Variants in PPP4R3B observed in about 807,000 individuals in gnomAD.
PPP4R3B encodes serine/threonine-protein phosphatase 4 regulatory subunit 3B.
A neutral mutation model predicts 95.4 loss-of-function variants in PPP4R3B; 52 were observed. The observed-to-expected ratio is 0.54, with a 90% confidence interval of 0.44 to 0.69. The LOEUF (loss-of-function observed/expected upper bound fraction) is 0.69, where lower values mean the gene tolerates loss of function less well. Among genes scored for constraint, PPP4R3B ranks in the 30% least tolerant of loss-of-function variants. PPP4R3B has a pLI of 0.00. For synonymous variants in PPP4R3B, 407 were observed against 343.9 expected (o/e 1.18, Z -2.03); for missense variants, 1,003 against 1,005.9 (o/e 1.00, Z 0.04).
chr2:55,591,221 C>T (rs1247460210), intron 4 of PPP4R3B, among the ~76,000 whole-genome samples: 2 of 151,436 alleles, frequency 1.3e-5, no homozygotes, highest in Non-Finnish European at 2.9e-5. Flanking sequence ...AGTGTAGCCT[C>T]GACCTCCTGG....
chr2:55,553,873 C>A (rs560906033), intron 16 of PPP4R3B, among the ~76,000 whole-genome samples: 1 of 152,218 alleles, frequency 6.6e-6, no homozygotes, highest in East Asian at 1.9e-4. Context: ...TTGGGTTATT[C>A]TTACTTTTTG....
At chr2:55,573,232 T>C (rs1461922810) in intron 12 of PPP4R3B, among the ~76,000 whole-genome samples, 1 of 152,126 alleles carries the variant, frequency 6.6e-6, no homozygotes, top group African/African-American at 2.4e-5. Context: ...GCAGGTGAAA[T>C]TATGAAGGTG....
intron 4 of PPP4R3B, among the ~76,000 whole-genome samples, chr2:55,594,198 T>C (rs1691438869): frequency 6.6e-6 from 1 of 151,830 alleles, no homozygotes; most frequent in Non-Finnish European, 1.5e-5. Flanking sequence ...TACTGGGCAC[T>C]GTGTTCAATA....
Position 55,617,403 on chromosome 2 carries a change from AG to A in PPP4R3B, c.-119del. The A allele has an allele frequency of 8.2e-7, 1 of 1,220,946 alleles. No individual in the cohort carries two copies. Among genetic ancestry groups the A allele is most frequent in the South Asian group, 1.8e-5 (1 of 54,808 alleles). The allele number at this position is 1,220,946 out of a possible 1,614,324, so 75.6% of individuals were successfully genotyped here. ...GGTGGCGGCGGCGGCGGCTTCGGAG[AG>A]GCCCGAATTCACCATGGCTCCAAAG... On this transcript the variant is annotated 5_prime_UTR_variant, in exon 1 of 17. The change abolishes the stop of an existing upstream ORF in the 5' untranslated region. Transcript: ENST00000616407.
chr2:55,580,452 T>C (rs1287906967), intron 8 of PPP4R3B, among the ~76,000 whole-genome samples: 3 of 152,124 alleles, frequency 2.0e-5, no homozygotes, highest in South Asian at 2.1e-4. Context: ...AAAGGCACAT[T>C]TGAATCTGTT....
In PPP4R3B at chr2:55,595,118, G is replaced by A. The variant is rs139087589; in HGVS notation, c.921+3298C>T. ...CAGCTCACTGCAACCTCCGCCTCTC[G>A]GTTCAAGCAATTCTCCCACTTCAGC... On this transcript the variant is annotated intron_variant, in intron 4 of 16. Transcript: ENST00000616407. Among the ~76,000 whole-genome samples the A allele has an allele frequency of 3.7e-3, 556 of 151,124 alleles. 2 individuals carry two copies. Among genetic ancestry groups the A allele is most frequent in the South Asian group, 8.0e-3 (38 of 4,748 alleles).
intron 7 of PPP4R3B, among the ~76,000 whole-genome samples, chr2:55,581,932 A>C (rs189425418): frequency 1.1e-4 from 17 of 152,212 alleles, no homozygotes; most frequent in Admixed American, 2.6e-4. Flanking sequence ...AGGAAAAAAA[A>C]CCCACAAAAG....
chr2:55,582,237 G>T (rs949875407), intron 7 of PPP4R3B, among the ~76,000 whole-genome samples: 1 of 152,098 alleles, frequency 6.6e-6, no homozygotes, highest in Non-Finnish European at 1.5e-5. Flanking sequence ...AAATAGATTT[G>T]TTACATTAGT....
At chr2:55,580,277 TAAAACAGACAC>T (rs138854664) in intron 8 of PPP4R3B, among the ~76,000 whole-genome samples, 3,793 of 152,138 alleles carry the variant, frequency 0.025, 152 homozygotes, top group African/African-American at 0.086. Flanking sequence ...ATACTTGAGG[TAAAACAGACAC>T]AAAATAAACA....
At chr2:55,565,140 G>C in intron 13 of PPP4R3B, 99 bp from the exon 14 acceptor site, 2 of 976,220 alleles carry the variant, frequency 2.0e-6, no homozygotes, top group East Asian at 3.0e-5. Flanking sequence ...GATCAAAAAA[G>C]GTTTTTCAAA....
chr2:55,594,730 T>A (rs535129154), intron 4 of PPP4R3B, among the ~76,000 whole-genome samples: 1 of 152,310 alleles, frequency 6.6e-6, no homozygotes, highest in South Asian at 2.1e-4. Context: ...AATGTTTTTC[T>A]GTCAACAAGT....
chr2:55,558,791 G>A lies in PPP4R3B; in HGVS notation c.2438C>T (p.Ser813Leu), dbSNP rs1686188463. Residue 813 changes from serine to leucine, a missense_variant, in exon 16 of 17, where the codon TCA (serine) becomes TTA (leucine). By Grantham distance (145) the Ser-to-Leu change is moderately radical (BLOSUM62 -2). Around this residue, in one of 3 missense-constraint regions of PPP4R3B, gnomAD observed 229 missense variants for 194.7 expected, o/e 1.18. Transcript: ENST00000616407. ...SSSKTTNLPT[S>L]VTATKGSLVG... ...TTCACCTACCTTGGTGGCTGTTACT[G>A]ACGTAGGCAAGTTTGTGGTTTTGGA... 1.2e-6 allele frequency: 2 copies of A among 1,610,672 alleles called. No individual in the cohort carries two copies. The highest frequency in any genetic ancestry group is 1.7e-6 in the Non-Finnish European group (2 of 1,177,860).
chr2:55,560,766 G>C (rs1359430032), intron 15 of PPP4R3B, among the ~76,000 whole-genome samples: 4 of 115,252 alleles, frequency 3.5e-5, no homozygotes, highest in Non-Finnish European at 6.5e-5. Context: ...AACAGAGAGA[G>C]ACTCCATCTC....
In PPP4R3B at chr2:55,588,925, G is replaced by A; in HGVS notation, c.953C>T (p.Ala318Val). 1.9e-6 allele frequency: 3 copies of A among 1,609,218 alleles called. No individual in the cohort carries two copies. Among genetic ancestry groups the A allele is most frequent in the East Asian group, 2.2e-5 (1 of 44,748 alleles). The stretch of plus-strand genomic sequence containing the variant: ...ATCTGTAGCCTCATCTGTTAATTGT[G>A]CAAAAACTTCAGACAAAAACTTCTC... ...EDEKFLSEVFAQLTDEATDDD... is the reference protein window; with the variant it reads ...EDEKFLSEVFVQLTDEATDDD... The change falls in exon 5 of 17, where the codon GCA becomes GTA. Residue 318 changes from alanine to valine, a missense_variant. Coordinates refer to ENST00000616407, the MANE Select transcript of PPP4R3B (RefSeq NM_001122964.3).
Position 55,617,245 on chromosome 2 carries a change from T to C in PPP4R3B, c.41A>G (p.Asn14Ser). Residue 14 changes from asparagine (N) to serine (S), a missense_variant, in exon 1 of 17, where the codon AAC (asparagine) becomes AGC (serine). Physicochemically the swap from Asn to Ser is conservative, Grantham distance 46 (BLOSUM62 1). Transcript: ENST00000616407. ...TCGGTCGTCCCATTGCCGGTCTTCG[T>C]TCAGGGTATAGACCTTCACTCGCCG... Reference protein sequence around the residue: ...TRRRVKVYTLNEDRQWDDRGT... With the variant: ...TRRRVKVYTLSEDRQWDDRGT... 6.2e-7 allele frequency: 1 copy of C among 1,613,972 alleles called. No individual in the cohort carries two copies. The highest frequency in any genetic ancestry group is 1.1e-5 in the South Asian group (1 of 91,074).
intron 15 of PPP4R3B, among the ~76,000 whole-genome samples, chr2:55,562,545 C>G (rs76296617): frequency 6.6e-6 from 1 of 152,262 alleles, no homozygotes; most frequent in East Asian, 1.9e-4. Context: ...GTAAGGTTCT[C>G]GAAGCCTTTC....
chr2:55,600,426 C>CAAAA (rs60764774), intron 3 of PPP4R3B, among the ~76,000 whole-genome samples: 5,587 of 22,250 alleles, frequency 0.25, 2,289 homozygotes, highest in Middle Eastern at 0.4. Context: ...AACTCTGTCT[C>CAAAA]AAAAAAAAAA....
intron 15 of PPP4R3B, 94 bp from the exon 16 acceptor site, chr2:55,559,062 T>C: frequency 9.9e-7 from 1 of 1,014,060 alleles, no homozygotes; most frequent in South Asian, 1.7e-5. Context: ...TATAAAACAT[T>C]GCTGCCCGGG....
At position 55,588,893 on chromosome 2, in the gene PPP4R3B, T is replaced by C. The variant is rs1690561113; in HGVS notation, c.985A>G (p.Lys329Glu). The change falls in exon 5 of 17, where the codon AAA (lysine) becomes GAA (glutamate). Residue 329 changes from lysine (K) to glutamate (E), a missense_variant. Coordinates refer to ENST00000616407, the MANE Select transcript of PPP4R3B (RefSeq NM_001122964.3). Reference protein sequence around the residue: ...QLTDEATDDDKRRELVNFFKE... With the variant: ...QLTDEATDDDERRELVNFFKE... Reference sequence around the variant, plus strand: ...TCATAACTTACCAATTCACGCCGTTTATCATCATCTGTAGCCTCATCTGTT... The same window carrying C: ...TCATAACTTACCAATTCACGCCGTTCATCATCATCTGTAGCCTCATCTGTT... 1.2e-6 allele frequency: 2 copies of C among 1,608,222 alleles called. No homozygotes were observed. Among genetic ancestry groups the C allele is most frequent in the Middle Eastern group, 1.6e-4 (1 of 6,064 alleles).
Sources: gnomAD v4.1 joint callset for allele counts (sites outside exome capture counted in the v4.1 genomes callset) on GRCh38, gnomAD v4.1.1 for gene constraint, gnomAD v4.1.1 regional missense constraint, MANE v1.5 for transcripts, NCBI Gene and HGNC (gene_info 2026-07-23, HGNC 2026-07-21) for gene names.